DACH1: variants seen among roughly 807,000 people sequenced by gnomAD.
DACH1 encodes dachshund family transcription factor 1, also known as dachshund homolog 1.
In DACH1, 12 loss-of-function variants were observed where a neutral mutation model predicts 54.2. The ratio of observed to expected loss-of-function variants is 0.22; its 90% CI spans 0.14 to 0.36. The LOEUF is 0.36. Among genes scored for constraint, DACH1 ranks in the 10% least tolerant of loss-of-function variants. The pLI, the probability that DACH1 is intolerant of heterozygous loss-of-function variation, is 1.00. For missense variants in DACH1, 805 were observed against 929.8 expected, an observed-to-expected ratio of 0.87 and a Z score of 1.75; for synonymous variants, 386 against 366.2, an observed-to-expected ratio of 1.05 and a Z score of -0.62.
At chr13:71,649,738 T>C (rs181189128) in intron 2 of DACH1, among the ~76,000 whole-genome samples, 1 of 152,338 alleles carries the variant, frequency 6.6e-6, no homozygotes, top group Admixed American at 6.5e-5. Context: ...CTATTTTCAC[T>C]ATACACATCT....
intron 6 of DACH1, among the ~76,000 whole-genome samples, chr13:71,519,332 C>T (rs887061043): frequency 4.6e-5 from 7 of 151,722 alleles, no homozygotes; most frequent in Non-Finnish European, 7.4e-5. Flanking sequence ...AACTTTCAAA[C>T]AAATCACAAG....
At chr13:71,744,309 A>C (rs544624302) in intron 1 of DACH1, among the ~76,000 whole-genome samples, 1 of 152,342 alleles carries the variant, frequency 6.6e-6, no homozygotes, top group African/African-American at 2.4e-5. Context: ...CAGATAAGGC[A>C]CTTAGAATTC....
rs569082265 is a variant in DACH1, at chr13:71,661,013, A to T, written c.964+20782T>A. On this transcript the variant is annotated intron_variant, in intron 2 of 10. Coordinates refer to ENST00000613252, the MANE Select transcript of DACH1 (RefSeq NM_080759.6). ...TGAGATTGTTCTATAACATTGTTAT[A>T]GAAAAAGATTGTTATAGAACAATCT... Among the ~76,000 whole-genome samples the T allele has an allele frequency of 2.0e-5, 3 of 149,804 alleles. No individual in the cohort carries two copies. In the East Asian group the frequency reaches 6.2e-4, roughly 31 times the overall value.
intron 1 of DACH1, chr13:71,704,382 A>G (rs559729852): frequency 9.3e-6 from 4 of 430,322 alleles, no homozygotes; most frequent in South Asian, 8.1e-5. Context: ...CATGTTCCCC[A>G]GCATGCTGTT....
intron 2 of DACH1, among the ~76,000 whole-genome samples, chr13:71,647,335 C>A (rs983139972): frequency 6.6e-6 from 1 of 152,108 alleles, no homozygotes; most frequent in East Asian, 1.9e-4. Flanking sequence ...AGAGTTTTCA[C>A]GAGCACAATT....
intron 10 of DACH1, among the ~76,000 whole-genome samples, chr13:71,450,205 G>A (rs968637901): frequency 2.9e-5 from 4 of 137,158 alleles, no homozygotes; most frequent in Non-Finnish European, 6.4e-5. Flanking sequence ...TTGTTTGTTT[G>A]TTTGTTTTAA....
chr13:71,811,207 T>C (rs1189420269), intron 1 of DACH1, among the ~76,000 whole-genome samples: 1 of 152,122 alleles, frequency 6.6e-6, no homozygotes, highest in Non-Finnish European at 1.5e-5. Context: ...TTGATATTCT[T>C]GAATTACATA....
chr13:71,639,523 A>C (rs1440825781), intron 2 of DACH1, among the ~76,000 whole-genome samples: 3 of 152,130 alleles, frequency 2.0e-5, no homozygotes, highest in Non-Finnish European at 2.9e-5. Flanking sequence ...CAACAAAAAA[A>C]CCCCACTAAT....
intron 1 of DACH1, among the ~76,000 whole-genome samples, chr13:71,756,441 T>C (rs1301021500): frequency 3.3e-5 from 5 of 152,138 alleles, no homozygotes. Flanking sequence ...CACCCTCATT[T>C]ATCCTTTTAA....
chr13:71,734,100 G>GTA (rs1203925473), intron 1 of DACH1, among the ~76,000 whole-genome samples: 2 of 150,980 alleles, frequency 1.3e-5, no homozygotes, highest in African/African-American at 4.9e-5. Context: ...ATATGTGTGT[G>GTA]TGTATATATA....
chr13:71,778,759 C>A (rs1293623946), intron 1 of DACH1, among the ~76,000 whole-genome samples: 1 of 151,922 alleles, frequency 6.6e-6, no homozygotes, highest in African/African-American at 2.4e-5. Context: ...TTAAGAATAA[C>A]ATTTCCAAAA....
intron 1 of DACH1, among the ~76,000 whole-genome samples, chr13:71,682,568 G>T (rs188148230): frequency 5.3e-5 from 8 of 152,244 alleles, no homozygotes; most frequent in Admixed American, 5.2e-4. Context: ...TAAAAGATAA[G>T]TCAAGTTATC....
chr13:71,481,052 A>G (rs1194920416), intron 7 of DACH1, among the ~76,000 whole-genome samples: 2 of 152,184 alleles, frequency 1.3e-5, no homozygotes, highest in Non-Finnish European at 2.9e-5. Flanking sequence ...TCAGGAACAA[A>G]CAATTAGTAA....
intron 2 of DACH1, among the ~76,000 whole-genome samples, chr13:71,680,770 G>A (rs536567244): frequency 2.0e-5 from 3 of 152,144 alleles, no homozygotes; most frequent in African/African-American, 4.8e-5. Context: ...CTGCAAAAAT[G>A]AAGATGAGTT....
chr13:71,459,909 T>C (rs1373380428), intron 10 of DACH1, among the ~76,000 whole-genome samples: 1 of 152,074 alleles, frequency 6.6e-6, no homozygotes, highest in Non-Finnish European at 1.5e-5. Context: ...TTGTTGACTA[T>C]GCATTTTTAC....
At chr13:71,592,472 G>A (rs1346755333) in intron 3 of DACH1, among the ~76,000 whole-genome samples, 2 of 114,844 alleles carry the variant, frequency 1.7e-5, no homozygotes, top group African/African-American at 7.3e-5. Context: ...TCTAGCCTGG[G>A]AGACATAGCA....
At chr13:71,756,157 A>G (rs1885141142) in intron 1 of DACH1, among the ~76,000 whole-genome samples, 1 of 152,014 alleles carries the variant, frequency 6.6e-6, no homozygotes, top group Admixed American at 6.6e-5. Context: ...CAGTCTCCCG[A>G]GTACCTGGGA....
chr13:71,533,516 C>G (rs1302974130), intron 6 of DACH1, among the ~76,000 whole-genome samples: 2 of 151,974 alleles, frequency 1.3e-5, no homozygotes, highest in Non-Finnish European at 2.9e-5. Context: ...ACAGTTATTT[C>G]CGGCCTATAT....
intron 1 of DACH1, among the ~76,000 whole-genome samples, chr13:71,854,930 T>TTTTTTTACAGTGAA (rs1217004341): frequency 6.6e-6 from 1 of 152,080 alleles, no homozygotes; most frequent in Non-Finnish European, 1.5e-5. Context: ...GAAAAATTGT[T>TTTTTTTACAGTGAA]AATTTACAGT....
Sources: allele counts gnomAD v4.1 joint callset (sites outside exome capture counted in the v4.1 genomes callset), GRCh38; gene constraint gnomAD v4.1.1; transcripts MANE v1.5; gene names NCBI Gene and HGNC (gene_info 2026-07-23, HGNC 2026-07-21).